Variants in ZMYND8 observed in about 807,000 individuals in gnomAD.
ZMYND8 encodes MYND-type zinc finger-containing chromatin reader ZMYND8.
A neutral mutation model predicts 140.8 loss-of-function variants in ZMYND8; 37 were observed. The ratio of observed to expected loss-of-function variants is 0.26; its 90% CI spans 0.20 to 0.35. The LOEUF (loss-of-function observed/expected upper bound fraction) is 0.35. ZMYND8 is among the 10% of genes least tolerant of loss of function. ZMYND8 has a pLI of 1.00. For synonymous variants in ZMYND8, 592 were observed against 597.1 expected (o/e 0.99, Z 0.12); for missense variants, 1,068 against 1,570.0 (o/e 0.68, Z 5.40).
chr20:47,221,820 C>G (rs761507535), intron 19 of ZMYND8, among the ~76,000 whole-genome samples: 39 of 152,196 alleles, frequency 2.6e-4, no homozygotes, highest in Non-Finnish European at 4.4e-4. Flanking sequence ...TGCACACCAC[C>G]ATGTCCGACT....
At chr20:47,250,922 A>C (rs568778200) in intron 12 of ZMYND8, among the ~76,000 whole-genome samples, 201 of 152,232 alleles carry the variant, frequency 1.3e-3, no homozygotes, top group South Asian at 2.1e-3. Context: ...CCAGCTACTC[A>C]GGAGGCTGAG....
chr20:47,332,465 G>A (rs902238345), intron 2 of ZMYND8, among the ~76,000 whole-genome samples: 7 of 151,978 alleles, frequency 4.6e-5, no homozygotes, highest in African/African-American at 7.3e-5. Flanking sequence ...ATCCCAGTAC[G>A]TTGGCAGGCC....
chr20:47,270,697 G>GAAAAAAAAAAA, intron 11 of ZMYND8, among the ~76,000 whole-genome samples: 1 of 86,636 alleles, frequency 1.2e-5, no homozygotes, highest in South Asian at 5.3e-4. Flanking sequence ...CCCTGTCTCT[G>GAAAAAAAAAAA]AAAAAAAAAA....
intron 11 of ZMYND8, among the ~76,000 whole-genome samples, chr20:47,265,386 T>C (rs1330982007): frequency 6.6e-6 from 1 of 152,186 alleles, no homozygotes. Flanking sequence ...CTGTTGCACG[T>C]AGAACACAGC....
At chr20:47,294,157 G>A (rs1374926963) in intron 5 of ZMYND8, among the ~76,000 whole-genome samples, 1 of 151,730 alleles carries the variant, frequency 6.6e-6, no homozygotes, top group African/African-American at 2.4e-5. Context: ...AGACCAGCCT[G>A]GCCAACATGG....
At chr20:47,297,222 A>C (rs1335953011) in intron 4 of ZMYND8, among the ~76,000 whole-genome samples, 2 of 152,114 alleles carry the variant, frequency 1.3e-5, no homozygotes, top group East Asian at 1.9e-4. Flanking sequence ...TAGAGAGGAC[A>C]CCATTACAAT....
At chr20:47,264,469 G>T (rs974745489) in intron 11 of ZMYND8, among the ~76,000 whole-genome samples, 3 of 152,000 alleles carry the variant, frequency 2.0e-5, no homozygotes, top group African/African-American at 7.2e-5. Flanking sequence ...TAGAGACAGG[G>T]TTTTACCATG....
intron 2 of ZMYND8, among the ~76,000 whole-genome samples, chr20:47,337,674 A>C (rs1219875463): frequency 6.6e-6 from 1 of 152,166 alleles, no homozygotes; most frequent in Non-Finnish European, 1.5e-5. Flanking sequence ...GCCATGAAGT[A>C]CTCAGAAAAT....
At chr20:47,302,221 T>C (rs2078108978) in intron 3 of ZMYND8, among the ~76,000 whole-genome samples, 1 of 152,046 alleles carries the variant, frequency 6.6e-6, no homozygotes, top group Non-Finnish European at 1.5e-5. Flanking sequence ...ACGCCTGTAA[T>C]GTCAGCACTT....
chr20:47,295,683 A>G (rs2077591773), intron 4 of ZMYND8, among the ~76,000 whole-genome samples: 1 of 152,234 alleles, frequency 6.6e-6, no homozygotes, highest in South Asian at 2.1e-4. Flanking sequence ...CACAAGGAGC[A>G]CAACCTAACC....
chr20:47,325,156 C>T (rs888833527), intron 2 of ZMYND8, among the ~76,000 whole-genome samples: 2 of 152,160 alleles, frequency 1.3e-5, no homozygotes, highest in South Asian at 2.1e-4. Flanking sequence ...TCACCCACCT[C>T]GGCCTCCCAA....
chr20:47,281,992 T>G, intron 10 of ZMYND8, 110 bp downstream of exon 10: 1 of 904,150 alleles, frequency 1.1e-6, no homozygotes, highest in Non-Finnish European at 1.7e-6. Context: ...ATGGTTGGTA[T>G]CATGACAATA....
intron 3 of ZMYND8, among the ~76,000 whole-genome samples, chr20:47,304,569 T>C (rs1485245162): frequency 6.6e-6 from 1 of 152,064 alleles, no homozygotes; most frequent in East Asian, 1.9e-4. Flanking sequence ...AAACACAAGG[T>C]CCATGTGTGG....
chr20:47,222,010 T>A (rs2037031968), intron 19 of ZMYND8, among the ~76,000 whole-genome samples: 1 of 152,198 alleles, frequency 6.6e-6, no homozygotes, highest in African/African-American at 2.4e-5. Flanking sequence ...TTTTATTAAA[T>A]CATTCTGGAG....
intron 18 of ZMYND8, among the ~76,000 whole-genome samples, chr20:47,225,214 C>T (rs1460961114): frequency 1.3e-5 from 2 of 152,084 alleles, no homozygotes; most frequent in Non-Finnish European, 2.9e-5. Context: ...AATTTTACTT[C>T]AGACAGTTAA....
chr20:47,283,172 G>A (rs2147877802), intron 9 of ZMYND8, among the ~76,000 whole-genome samples: 1 of 152,264 alleles, frequency 6.6e-6, no homozygotes, highest in Admixed American at 6.5e-5. Context: ...TCATGTTTTG[G>A]AGGGACTATG....
intron 12 of ZMYND8, among the ~76,000 whole-genome samples, chr20:47,260,872 A>C (rs73910810): frequency 6.6e-6 from 1 of 152,248 alleles, no homozygotes; most frequent in African/African-American, 2.4e-5. Flanking sequence ...AGTGCACAGC[A>C]CATAATAGAT....
chr20:47,210,842 C>G lies in ZMYND8; in HGVS notation c.3624G>C (p.Ser1208=), dbSNP rs375130226. ...TACTGGTGTTGTGATCGGAACGTGTCGATCCCCTCTTCTCATCACTGCTGC... is the reference window on the plus strand; with the variant it reads ...TACTGGTGTTGTGATCGGAACGTGTGGATCCCCTCTTCTCATCACTGCTGC... ...SWSSSDEKRG[S]TRSDHNTSTS... is the part of the protein sequence containing the mutation. Residue 1208 remains serine, a synonymous_variant, in exon 23 of 23, where the codon TCG becomes TCC. Transcript: ENST00000471951. 8.7e-6 allele frequency: 14 copies of G among 1,614,028 alleles called. No homozygotes were observed. The African/African-American group carries it at 1.5e-4, about 17-fold the overall frequency.
At chr20:47,311,760 C>T (rs1249968615) in intron 2 of ZMYND8, among the ~76,000 whole-genome samples, 3 of 152,164 alleles carry the variant, frequency 2.0e-5, no homozygotes, top group Non-Finnish European at 4.4e-5. Context: ...ATCCCAGCTA[C>T]TTGGGAGACT....
Sources: allele counts gnomAD v4.1 joint callset (sites outside exome capture counted in the v4.1 genomes callset), GRCh38; gene constraint gnomAD v4.1.1; transcripts MANE v1.5; gene names NCBI Gene and HGNC (gene_info 2026-07-23, HGNC 2026-07-21).